CCDC175: variants seen among roughly 807,000 people sequenced by gnomAD.
CCDC175 encodes the protein coiled-coil domain-containing protein 175.
Under a neutral mutation model 114.6 loss-of-function variants are expected in CCDC175, and 100 were observed. The ratio of observed to expected loss-of-function variants is 0.87; its 90% CI spans 0.74 to 1.03. CCDC175 has a LOEUF of 1.03. CCDC175 is among the 50% of genes least tolerant of loss of function. The pLI, the probability that CCDC175 is intolerant of heterozygous loss-of-function variation, is 0.00. For synonymous variants in CCDC175, 306 were observed against 308.7 expected (o/e 0.99, Z 0.09); for missense variants, 880 against 917.8 (o/e 0.96, Z 0.53).
intron 1 of CCDC175, among the ~76,000 whole-genome samples, 185 bp downstream of exon 1, chr14:59,576,434 T>C (rs539248976): frequency 6.6e-6 from 1 of 152,124 alleles, no homozygotes; most frequent in African/African-American, 2.4e-5. Context: ...GGGCAGGAGA[T>C]CTGGGCACTT....
At chr14:59,515,157 C>T (rs1488366744) in intron 17 of CCDC175, among the ~76,000 whole-genome samples, 5 of 152,114 alleles carry the variant, frequency 3.3e-5, no homozygotes, top group Admixed American at 2.0e-4. Flanking sequence ...ACAAGAGCTC[C>T]TGAAGGAAGC....
chr14:59,533,502 G>GT (rs1218702997), intron 13 of CCDC175, among the ~76,000 whole-genome samples: 5 of 152,198 alleles, frequency 3.3e-5, no homozygotes, highest in African/African-American at 1.2e-4. Flanking sequence ...CTTTGATAGA[G>GT]TAGTTTTCTT....
At chr14:59,542,431 G>A (rs1177552970) in intron 10 of CCDC175, among the ~76,000 whole-genome samples, 1 of 151,952 alleles carries the variant, frequency 6.6e-6, no homozygotes, top group African/African-American at 2.4e-5. Context: ...TGAAAAATAT[G>A]CATCCTCCTT....
chr14:59,560,559 C>T (rs1410597840), intron 7 of CCDC175, among the ~76,000 whole-genome samples: 1 of 152,116 alleles, frequency 6.6e-6, no homozygotes, highest in Non-Finnish European at 1.5e-5. Context: ...TTGCCATGTG[C>T]TCACCAAGAA....
intron 9 of CCDC175, 136 bp from the exon 10 acceptor site, chr14:59,543,590 C>A: frequency 2.4e-6 from 1 of 425,404 alleles, no homozygotes; most frequent in Non-Finnish European, 4.1e-6. Flanking sequence ...GAAAGCAAGT[C>A]TTTTTGCTAG....
chr14:59,542,569 C>T (rs1473825238), intron 10 of CCDC175, among the ~76,000 whole-genome samples: 2 of 151,928 alleles, frequency 1.3e-5, no homozygotes, highest in African/African-American at 2.4e-5. Context: ...CAATAGAGTG[C>T]TGGTTAAATA....
Position 59,510,424 on chromosome 14 carries a change from A to C in CCDC175, c.2305+222T>G, listed in dbSNP as rs572206529. ...ACTTTTTAAAAAAATTATAAAGAAG[A>C]TTTAGTTATCTAGAAAATTCTCTTA... On this transcript the variant is annotated intron_variant, in intron 19 of 19. Transcript: ENST00000537690. 45 of 448,592 alleles carry C rather than the reference A, an allele frequency of 1.0e-4. No homozygotes were observed. In the South Asian group the frequency reaches 1.4e-3, roughly 14 times the overall value. The allele number at this position is 448,592 out of a possible 1,614,324, so 27.8% of individuals were successfully genotyped here.
intron 17 of CCDC175, among the ~76,000 whole-genome samples, chr14:59,514,898 G>T (rs566820581): frequency 6.6e-6 from 1 of 152,156 alleles, no homozygotes; most frequent in East Asian, 1.9e-4. Flanking sequence ...AGGAAAAAAT[G>T]TTAAGGGCAG....
chr14:59,536,906 G>A (rs796851998), intron 13 of CCDC175, among the ~76,000 whole-genome samples: 11 of 151,936 alleles, frequency 7.2e-5, no homozygotes, highest in East Asian at 5.8e-4. Flanking sequence ...TCAGCCTCCC[G>A]AGTAGCTGGG....
At chr14:59,514,026 A>C (rs184535566) in intron 17 of CCDC175, among the ~76,000 whole-genome samples, 22 of 152,352 alleles carry the variant, frequency 1.4e-4, no homozygotes, top group Non-Finnish European at 2.9e-4. Flanking sequence ...GCTGTTCTGC[A>C]GCCTCCGCTG....
In CCDC175 at chr14:59,538,745, A is replaced by G. The variant is rs182831352; in HGVS notation, c.1451T>C (p.Ile484Thr). Reference protein sequence around the residue: ...KAEIQAITEKIQNAEVRRIEL... With the variant: ...KAEIQAITEKTQNAEVRRIEL... The stretch of plus-strand genomic sequence containing the variant: ...AATTCGTCTAACTTCTGCATTCTGA[A>G]TTTTTTCTGTAATAGCTTGTATTTC... The change falls in exon 12 of 20, where the codon ATT (isoleucine) becomes ACT (threonine). Residue 484 changes from isoleucine to threonine, a missense_variant. Coordinates refer to ENST00000537690, the MANE Select transcript of CCDC175 (RefSeq NM_001164399.2). 6.5e-7 allele frequency: 1 copy of G among 1,535,898 alleles called. No individual in the cohort carries two copies. The highest frequency in any genetic ancestry group is 1.4e-5 in the African/African-American group (1 of 72,964).
chr14:59,529,101 G>C lies in CCDC175; in HGVS notation c.1763-1927C>G, dbSNP rs1595006597. ...ATATACAGTGATCAGGAAGGAACCA[G>C]CCATTTGAGGGGACCATCGAATGTC... On this transcript the variant is annotated intron_variant, in intron 14 of 19. Coordinates refer to ENST00000537690, the MANE Select transcript of CCDC175 (RefSeq NM_001164399.2). Among the ~76,000 whole-genome samples, 4 of 152,284 alleles carry C rather than the reference G, an allele frequency of 2.6e-5. No homozygotes were observed. The South Asian group carries it at 8.3e-4, about 32-fold the overall frequency.
At chr14:59,541,712 C>T (rs1413445757) in intron 10 of CCDC175, among the ~76,000 whole-genome samples, 1 of 152,028 alleles carries the variant, frequency 6.6e-6, no homozygotes, top group Non-Finnish European at 1.5e-5. Flanking sequence ...GAACTTGAAC[C>T]AGTTTAAAAT....
intron 8 of CCDC175, among the ~76,000 whole-genome samples, chr14:59,548,302 G>A (rs1895238956): frequency 6.6e-6 from 1 of 152,124 alleles, no homozygotes; most frequent in Admixed American, 6.5e-5. Flanking sequence ...TGGTGAGGGA[G>A]GGGAGATGCT....
Position 59,552,568 on chromosome 14 carries a change from C to A in CCDC175, c.954-1132G>T, listed in dbSNP as rs61363367. ...TTCTAAAAATCAGAGCACCTCCCCCCCTCCAAAAGAACACAGCTCCTCACC... is the reference window on the plus strand; with the variant it reads ...TTCTAAAAATCAGAGCACCTCCCCCACTCCAAAAGAACACAGCTCCTCACC... On this transcript the variant is annotated intron_variant, in intron 7 of 19. Coordinates refer to ENST00000537690, the MANE Select transcript of CCDC175 (RefSeq NM_001164399.2). 5.0e-3 allele frequency among the ~76,000 whole-genome samples: 758 copies of A among 152,198 alleles called. 2 individuals are homozygous for A. Among genetic ancestry groups the A allele is most frequent in the African/African-American group, 0.017 (689 of 41,496 alleles).
chr14:59,525,802 TGAC>T (rs1284297109), intron 15 of CCDC175, among the ~76,000 whole-genome samples: 1 of 152,182 alleles, frequency 6.6e-6, no homozygotes, highest in Non-Finnish European at 1.5e-5. Flanking sequence ...CAATACAGTA[TGAC>T]AACTACTAAC....
At chr14:59,513,250 G>C (rs927844080) in intron 17 of CCDC175, among the ~76,000 whole-genome samples, 4 of 152,196 alleles carry the variant, frequency 2.6e-5, no homozygotes, top group African/African-American at 4.8e-5. Flanking sequence ...CGACGCAGAA[G>C]ACGGGTGATT....
At position 59,531,767 on chromosome 14, in the gene CCDC175, T is replaced by C; in HGVS notation, c.1762+5A>G. 1 of 1,476,420 alleles carries C rather than the reference T, an allele frequency of 6.8e-7. No homozygotes were observed. The highest frequency in any genetic ancestry group is 1.3e-5 in the South Asian group (1 of 76,628). 91.5% of individuals were successfully genotyped at this position (1,476,420 alleles called of 1,614,324 possible). A position where few individuals can be genotyped will look rare whatever the true frequency, so the allele number is the denominator to read the frequency against. Reference sequence around the variant, plus strand: ...GAGTTTAATTACTAAATGCTTCATATGTACCTGTAATAATATTACTGAGCT... The same window carrying C: ...GAGTTTAATTACTAAATGCTTCATACGTACCTGTAATAATATTACTGAGCT... On this transcript the variant is annotated splice_donor_5th_base_variant and intron_variant, in intron 14 of 19. Coordinates refer to ENST00000537690, the MANE Select transcript of CCDC175 (RefSeq NM_001164399.2).
chr14:59,549,101 T>A (rs374229237), intron 8 of CCDC175, among the ~76,000 whole-genome samples: 1 of 152,234 alleles, frequency 6.6e-6, no homozygotes, highest in African/African-American at 2.4e-5. Flanking sequence ...CTTAGTGTAA[T>A]TAAATTTGTT....
Sources: allele counts gnomAD v4.1 joint callset (sites outside exome capture counted in the v4.1 genomes callset), GRCh38; gene constraint gnomAD v4.1.1; transcripts MANE v1.5; gene names NCBI Gene and HGNC (gene_info 2026-07-23, HGNC 2026-07-21).